Variants in BIN3 observed in about 807,000 individuals in gnomAD.
The protein encoded by BIN3 is bridging integrator 3.
A neutral mutation model predicts 38.2 loss-of-function variants in BIN3; 41 were observed. The ratio of observed to expected loss-of-function variants is 1.07; its 90% confidence interval spans 0.84 to 1.39. BIN3 has a LOEUF of 1.39. Ranked by LOEUF, BIN3 falls within the 40% of genes most tolerant of loss-of-function variation. The probability of loss-of-function intolerance (pLI) is 0.00; values close to 1 mark genes in which losing one functional copy is unlikely to be tolerated. For synonymous variants in BIN3, 145 were observed against 122.6 expected (o/e 1.18, Z -1.21); for missense variants, 361 against 324.3 (o/e 1.11, Z -0.87).
intron 6 of BIN3, 41 bp from the exon 7 acceptor site, chr8:22,624,404 G>T: frequency 2.5e-6 from 4 of 1,595,018 alleles, no homozygotes; most frequent in Non-Finnish European, 3.4e-6. Context: ...GTTCTTGAAG[G>T]GGTGGCCTGG....
chr8:22,636,848 A>C, intron 3 of BIN3, 74 bp downstream of exon 3: 1 of 1,505,400 alleles, frequency 6.6e-7, no homozygotes, highest in Non-Finnish European at 9.2e-7. Flanking sequence ...GGCACGGGGC[A>C]GACAGGTGAG....
chr8:22,621,295 CA>C lies in BIN3; in HGVS notation c.*126del. On this transcript the variant is annotated 3_prime_UTR_variant, in exon 9 of 9. Transcript: ENST00000276416. Reference sequence around the variant, plus strand: ...CAGGCTCAGGAAGAGTCATTCATTGCAAAGGGCCGGCAAGTGAACCAGGGCC... The same window carrying C: ...CAGGCTCAGGAAGAGTCATTCATTGCAAGGGCCGGCAAGTGAACCAGGGCC... 2 of 1,302,100 alleles carry C rather than the reference CA, an allele frequency of 1.5e-6. No individual in the cohort carries two copies. The highest frequency in any genetic ancestry group is 2.1e-6 in the Non-Finnish European group (2 of 968,586). The allele number at this position is 1,302,100 out of a possible 1,614,324, so 80.7% of individuals were successfully genotyped here. A position where few individuals can be genotyped will look rare whatever the true frequency, so the allele number is the denominator to read the frequency against.
chr8:22,639,871 TTTC>T (rs1381966506), intron 2 of BIN3, among the ~76,000 whole-genome samples: 1 of 152,006 alleles, frequency 6.6e-6, no homozygotes, highest in African/African-American at 2.4e-5. Context: ...CTTTTTTTTT[TTTC>T]TTTTGAGGCG....
At chr8:22,663,050 T>C (rs577410732) in intron 1 of BIN3, among the ~76,000 whole-genome samples, 33 of 152,252 alleles carry the variant, frequency 2.2e-4, no homozygotes, top group Non-Finnish European at 3.5e-4. Context: ...ACCCGGGAAG[T>C]AGAGGTTGCA....
chr8:22,656,473 G>GA (rs1803060336), intron 1 of BIN3, among the ~76,000 whole-genome samples: 1 of 152,068 alleles, frequency 6.6e-6, no homozygotes, highest in South Asian at 2.1e-4. Flanking sequence ...TGGAAAAGAA[G>GA]AAAAATAACT....
intron 4 of BIN3, among the ~76,000 whole-genome samples, chr8:22,636,153 C>T (rs143841156): frequency 1.6e-3 from 245 of 152,348 alleles, no homozygotes; most frequent in African/African-American, 5.7e-3. Flanking sequence ...CCTGTCCCAG[C>T]AGGCCACGGA....
At chr8:22,641,256 G>C (rs115614249) in intron 2 of BIN3, among the ~76,000 whole-genome samples, 1 of 152,188 alleles carries the variant, frequency 6.6e-6, no homozygotes, top group Non-Finnish European at 1.5e-5. Context: ...CCAGGCTGGC[G>C]AGGTTAGCTC....
At chr8:22,647,222 C>G (rs148047164) in intron 1 of BIN3, among the ~76,000 whole-genome samples, 64 of 152,320 alleles carry the variant, frequency 4.2e-4, no homozygotes, top group African/African-American at 1.5e-3. Flanking sequence ...CAAAACGATT[C>G]TTGGAGTTTA....
intron 1 of BIN3, among the ~76,000 whole-genome samples, chr8:22,667,399 C>T (rs1188718771): frequency 1.3e-5 from 2 of 152,202 alleles, no homozygotes; most frequent in African/African-American, 4.8e-5. Context: ...GTGCTCTTCT[C>T]CCAACTTGTG....
Position 22,632,880 on chromosome 8 carries a change from T to C in BIN3, c.161-2302A>G, listed in dbSNP as rs528980545. Among the ~76,000 whole-genome samples, 45 of 152,254 alleles carry C rather than the reference T, an allele frequency of 3.0e-4. No individual in the cohort carries two copies. The East Asian group carries it at 5.0e-3, about 17-fold the overall frequency. On this transcript the variant is annotated intron_variant, in intron 4 of 8. Transcript: ENST00000276416. ...CCTGCCATCACACCCACCTAATTTT[T>C]GTATTTTTAGTAGAGACGGGGTTTC...
intron 1 of BIN3, among the ~76,000 whole-genome samples, chr8:22,657,630 C>T (rs1803097905): frequency 6.6e-6 from 1 of 152,258 alleles, no homozygotes; most frequent in Non-Finnish European, 1.5e-5. Flanking sequence ...CGGCAAAAAA[C>T]TGGGCAGATG....
Position 22,624,315 on chromosome 8 carries a change from T to C in BIN3, c.387A>G (p.Glu129=). The C allele has an allele frequency of 1.2e-6, 2 of 1,613,726 alleles. No homozygotes were observed. Among genetic ancestry groups the C allele is most frequent in the Non-Finnish European group, 1.7e-6 (2 of 1,179,702 alleles). ...GCCTCCTGTAGTCCTGCAAGGCCTG[T>C]TCCCGCCTCTTCACAGCCATGTTGA... ...PSLNMAVKRR[E]QALQDYRRLQ... The change falls in exon 7 of 9, where the codon GAA becomes GAG. Residue 129 remains glutamate, a synonymous_variant. Coordinates refer to ENST00000276416, the MANE Select transcript of BIN3 (RefSeq NM_018688.6).
intron 1 of BIN3, among the ~76,000 whole-genome samples, chr8:22,648,914 T>C (rs901857908): frequency 6.6e-6 from 1 of 151,462 alleles, no homozygotes; most frequent in Non-Finnish European, 1.5e-5. Context: ...TATGTATGTA[T>C]GTATGTATGT....
chr8:22,621,654 C>T (rs886438802), intron 8 of BIN3, 86 bp from the exon 9 acceptor site: 25 of 1,377,254 alleles, frequency 1.8e-5, no homozygotes, highest in East Asian at 2.3e-5. Context: ...TCTCTGCTAC[C>T]CCCTGCCCTT....
intron 2 of BIN3, among the ~76,000 whole-genome samples, chr8:22,642,549 G>A (rs900372580): frequency 4.6e-5 from 7 of 152,200 alleles, no homozygotes; most frequent in African/African-American, 9.6e-5. Flanking sequence ...GTCCCTGATG[G>A]TTCATAAAGA....
rs1802663353 is a variant in BIN3, at chr8:22,644,765, ACAATCT to A, written c.41_46del (p.Gln14_Val16delinsLeu). On this transcript the variant is annotated inframe_deletion, in exon 2 of 9. Transcript: ENST00000276416. ...AATCGAGTTACTCACTGTTTTGGGC[ACAATCT>A]GTTTCTTGGGCTGCCCAATCTTAAA... 1.2e-6 allele frequency: 2 copies of A among 1,611,920 alleles called. No homozygotes were observed. Among genetic ancestry groups the A allele is most frequent in the Non-Finnish European group, 8.5e-7 (1 of 1,178,952 alleles).
intron 6 of BIN3, among the ~76,000 whole-genome samples, chr8:22,628,636 C>A (rs1019245920): frequency 2.0e-5 from 3 of 152,204 alleles, no homozygotes; most frequent in Admixed American, 6.5e-5. Flanking sequence ...TTCAAGGGCG[C>A]CTTGCTGATA....
intron 2 of BIN3, among the ~76,000 whole-genome samples, chr8:22,643,143 T>C (rs188239736): frequency 2.6e-5 from 4 of 152,320 alleles, no homozygotes; most frequent in Middle Eastern, 3.4e-3. Flanking sequence ...AGATCTGTCA[T>C]GGATTAAACT....
chr8:22,631,159 G>C (rs189735085), intron 4 of BIN3, among the ~76,000 whole-genome samples: 159 of 152,224 alleles, frequency 1.0e-3, no homozygotes, highest in African/African-American at 3.7e-3. Flanking sequence ...AAACTTTATT[G>C]ACAAAACTAG....
Sources: allele counts gnomAD v4.1 joint callset (sites outside exome capture counted in the v4.1 genomes callset), GRCh38; gene constraint gnomAD v4.1.1; transcripts MANE v1.5; gene names NCBI Gene and HGNC (gene_info 2026-07-23, HGNC 2026-07-21).